The following FAM13C variants were observed in gnomAD, a reference collection of about 807,000 sequenced individuals.
The protein encoded by FAM13C is family with sequence similarity 13 member C, also known as protein FAM13C.
A neutral mutation model predicts 73.2 loss-of-function variants in FAM13C; 37 were observed. That is an observed-to-expected ratio of 0.51 (90% CI 0.39 to 0.67). The LOEUF (loss-of-function observed/expected upper bound fraction) is 0.67. Ranked by LOEUF, FAM13C falls within the 30% of genes least tolerant of loss-of-function variation. The pLI, the probability that FAM13C is intolerant of heterozygous loss-of-function variation, is 0.00. For missense variants in FAM13C, 589 were observed against 715.6 expected (o/e 0.82, Z 2.02); for synonymous variants, 246 against 260.9 (o/e 0.94, Z 0.55).
intron 6 of FAM13C, among the ~76,000 whole-genome samples, chr10:59,280,878 C>T (rs1485779882): frequency 6.6e-6 from 1 of 152,186 alleles, no homozygotes; most frequent in Non-Finnish European, 1.5e-5. Flanking sequence ...CACTAGGTCA[C>T]ATGAATTTAT....
rs377472100 is a variant in FAM13C, at chr10:59,262,417, A to C, written c.1236+17T>G. ...GGACTACAGGGGCCCTCTATATAAC[A>C]AGACATGGTGATGTACCTTAGAATC... is the stretch of plus-strand genomic sequence containing the variant. On this transcript the variant is annotated intron_variant, in intron 10 of 13. Transcript: ENST00000618804. The C allele has an allele frequency of 1.9e-6, 3 of 1,611,434 alleles. No homozygotes were observed. In the African/African-American group the frequency reaches 4.0e-5, roughly 22 times the overall value.
At chr10:59,356,068 C>T (rs1855679146) in intron 1 of FAM13C, 125 bp from the exon 2 acceptor site, 34 of 861,794 alleles carry the variant, frequency 3.9e-5, no homozygotes, top group Non-Finnish European at 6.5e-5. Context: ...CTATCATTCT[C>T]TCCCAAATAA....
At chr10:59,269,198 G>A (rs899192504) in intron 7 of FAM13C, among the ~76,000 whole-genome samples, 1 of 151,874 alleles carries the variant, frequency 6.6e-6, no homozygotes, top group African/African-American at 2.4e-5. Flanking sequence ...CAGGTCCATC[G>A]ATAGATAGTT....
intron 3 of FAM13C, among the ~76,000 whole-genome samples, chr10:59,336,634 G>C (rs1288458296): frequency 6.6e-6 from 1 of 152,130 alleles, no homozygotes; most frequent in African/African-American, 2.4e-5. Flanking sequence ...CTTTTATAGT[G>C]AACAAAGCAT....
chr10:59,292,483 C>T (rs1666353084), intron 5 of FAM13C, among the ~76,000 whole-genome samples: 1 of 152,248 alleles, frequency 6.6e-6, no homozygotes, highest in African/African-American at 2.4e-5. Flanking sequence ...GGCAAACCAC[C>T]AAATGATGCT....
chr10:59,339,759 T>C (rs1476535603), intron 3 of FAM13C, among the ~76,000 whole-genome samples: 1 of 152,132 alleles, frequency 6.6e-6, no homozygotes, highest in Non-Finnish European at 1.5e-5. Flanking sequence ...AACTGATAGT[T>C]TGAGAAGTGA....
chr10:59,304,129 C>T (rs376619), intron 4 of FAM13C, among the ~76,000 whole-genome samples: 149,446 of 152,262 alleles, frequency 0.98, 73,399 homozygotes, highest in Middle Eastern at 1. Context: ...GCCTGAGCGA[C>T]GGAGTGAGAC....
chr10:59,281,259 A>G (rs1378788238), intron 6 of FAM13C, among the ~76,000 whole-genome samples: 2 of 152,212 alleles, frequency 1.3e-5, no homozygotes, highest in Non-Finnish European at 2.9e-5. Context: ...CCCTGAGTTA[A>G]GAACCATGGA....
At chr10:59,341,384 T>C (rs1350543097) in intron 3 of FAM13C, among the ~76,000 whole-genome samples, 2 of 152,124 alleles carry the variant, frequency 1.3e-5, no homozygotes, top group Non-Finnish European at 2.9e-5. Flanking sequence ...GCTGAACATC[T>C]TTGTTCCTGA....
intron 5 of FAM13C, among the ~76,000 whole-genome samples, chr10:59,293,616 TAAG>T (rs1305884014): frequency 6.6e-6 from 1 of 152,110 alleles, no homozygotes; most frequent in Admixed American, 6.6e-5. Flanking sequence ...TGTAAGAAAA[TAAG>T]AAAATTCAGC....
intron 5 of FAM13C, among the ~76,000 whole-genome samples, chr10:59,293,228 C>A (rs892973617): frequency 1.4e-5 from 2 of 146,962 alleles, no homozygotes; most frequent in Admixed American, 6.8e-5. Context: ...CGCCCACCAC[C>A]ATGCCCAGCT....
At chr10:59,284,453 A>G (rs1845311707) in intron 5 of FAM13C, among the ~76,000 whole-genome samples, 1 of 151,712 alleles carries the variant, frequency 6.6e-6, no homozygotes, top group Non-Finnish European at 1.5e-5. Context: ...TTTCCCTGCT[A>G]GGACCCTCCA....
intron 6 of FAM13C, among the ~76,000 whole-genome samples, chr10:59,273,416 T>C (rs558135236): frequency 1.3e-5 from 2 of 152,252 alleles, no homozygotes; most frequent in South Asian, 4.2e-4. Context: ...CCTACAGGGT[T>C]AATGTGGAAA....
At position 59,247,466 on chromosome 10, in the gene FAM13C, A is replaced by C; in HGVS notation, c.*148T>G. The C allele has an allele frequency of 2.2e-6, 2 of 927,538 alleles. No individual in the cohort carries two copies. Among genetic ancestry groups the C allele is most frequent in the Non-Finnish European group, 3.3e-6 (2 of 600,240 alleles). The allele number at this position is 927,538 out of a possible 1,614,324, so 57.5% of individuals were successfully genotyped here. On this transcript the variant is annotated 3_prime_UTR_variant, in exon 14 of 14. Transcript: ENST00000618804. ...AAATCCCTTCTCCTTGTATATAATT[A>C]AACTTGCTATTCCTTCTTAAAAACA...
intron 3 of FAM13C, among the ~76,000 whole-genome samples, chr10:59,328,861 G>A (rs2134076357): frequency 6.6e-6 from 1 of 152,124 alleles, no homozygotes; most frequent in Non-Finnish European, 1.5e-5. Context: ...ACTATAATTT[G>A]GAAAATCTTA....
At chr10:59,272,156 T>C (rs1292470452) in intron 6 of FAM13C, among the ~76,000 whole-genome samples, 2 of 152,192 alleles carry the variant, frequency 1.3e-5, no homozygotes, top group African/African-American at 4.8e-5. Context: ...TTATATGGCA[T>C]CTGTTTTCCC....
At chr10:59,311,129 T>C (rs529434598) in intron 4 of FAM13C, among the ~76,000 whole-genome samples, 1 of 152,296 alleles carries the variant, frequency 6.6e-6, no homozygotes, top group South Asian at 2.1e-4. Context: ...GCAGCCCAGC[T>C]GTCCTGGAAA....
chr10:59,267,205 A>G (rs1843163221), intron 8 of FAM13C, among the ~76,000 whole-genome samples: 1 of 152,232 alleles, frequency 6.6e-6, no homozygotes, highest in South Asian at 2.1e-4. Flanking sequence ...ATACGAGGAC[A>G]TCATAGATCC....
intron 6 of FAM13C, among the ~76,000 whole-genome samples, chr10:59,271,562 T>A (rs1843720183): frequency 6.6e-6 from 1 of 152,156 alleles, no homozygotes; most frequent in Admixed American, 6.5e-5. Flanking sequence ...CAAGACAAGG[T>A]GTAATGGTGT....
Sources: allele counts gnomAD v4.1 joint callset (sites outside exome capture counted in the v4.1 genomes callset), GRCh38; gene constraint gnomAD v4.1.1; transcripts MANE v1.5; gene names NCBI Gene and HGNC (gene_info 2026-07-23, HGNC 2026-07-21).